Variants in PAQR8 observed in about 807,000 individuals in gnomAD.
PAQR8 encodes membrane progestin receptor beta.
Under a neutral mutation model 25.2 loss-of-function variants are expected in PAQR8, and 17 were observed. The observed-to-expected ratio is 0.67, with a 90% CI of 0.46 to 1.01. PAQR8 has a LOEUF of 1.01. Ranked by LOEUF, PAQR8 falls within the 50% of genes least tolerant of loss-of-function variation. The probability of loss-of-function intolerance (pLI) is 0.00; values close to 1 mark genes in which losing one functional copy is unlikely to be tolerated. For synonymous variants in PAQR8, 204 were observed against 190.6 expected (o/e 1.07, Z -0.58); for missense variants, 392 against 448.4 (o/e 0.87, Z 1.14).
At chr6:52,370,710 G>A (rs1763408539) in intron 1 of PAQR8, among the ~76,000 whole-genome samples, 1 of 152,190 alleles carries the variant, frequency 6.6e-6, no homozygotes, top group African/African-American at 2.4e-5. Flanking sequence ...CTTCTGCAAT[G>A]GCACAGAGGC....
At chr6:52,397,099 G>A (rs1763775725) in intron 1 of PAQR8, among the ~76,000 whole-genome samples, 1 of 152,166 alleles carries the variant, frequency 6.6e-6, no homozygotes, top group South Asian at 2.1e-4. Context: ...AGCCAAGAGA[G>A]GAGGCATTGG....
intron 1 of PAQR8, among the ~76,000 whole-genome samples, chr6:52,381,099 C>T (rs1020153035): frequency 2.0e-5 from 3 of 152,164 alleles, no homozygotes; most frequent in African/African-American, 7.2e-5. Flanking sequence ...TGGACAGGCA[C>T]CTTTGCTTTT....
intron 1 of PAQR8, among the ~76,000 whole-genome samples, chr6:52,371,603 G>T (rs1763419990): frequency 6.6e-6 from 1 of 152,206 alleles, no homozygotes; most frequent in Non-Finnish European, 1.5e-5. Context: ...TTATGTGGCT[G>T]TGATACATCT....
chr6:52,387,704 CAG>C (rs1227876658), intron 1 of PAQR8, among the ~76,000 whole-genome samples: 1 of 152,198 alleles, frequency 6.6e-6, no homozygotes. Context: ...TCACCTAGAT[CAG>C]GGATCCCCCA....
chr6:52,376,674 T>C (rs1020654729), intron 1 of PAQR8, among the ~76,000 whole-genome samples: 2 of 152,180 alleles, frequency 1.3e-5, no homozygotes, highest in African/African-American at 2.4e-5. Flanking sequence ...AATTGTATAC[T>C]TTTGTCTAGT....
chr6:52,377,484 A>G (rs1432017304), intron 1 of PAQR8, among the ~76,000 whole-genome samples: 2 of 152,174 alleles, frequency 1.3e-5, no homozygotes, highest in African/African-American at 4.8e-5. Context: ...GTTGATATTA[A>G]TAACTGTATC....
At chr6:52,403,037 C>G in intron 1 of PAQR8, 125 bp from the exon 2 acceptor site, 1 of 620,106 alleles carries the variant, frequency 1.6e-6, no homozygotes, top group Admixed American at 3.0e-5. Context: ...TGCCACTGCA[C>G]TCTAGCCTGG....
At chr6:52,374,573 C>T (rs1763460472) in intron 1 of PAQR8, among the ~76,000 whole-genome samples, 1 of 152,078 alleles carries the variant, frequency 6.6e-6, no homozygotes, top group African/African-American at 2.4e-5. Flanking sequence ...ACCACGATGC[C>T]CAGCTAATTT....
rs1273513960 is a variant in PAQR8, at chr6:52,362,161, G to C, written c.-141G>C. ...GAGCCCGCCGCGGTCACAGCCACCC[G>C]CGGGAAGCTCGTGGCCGGGACCCCG... On this transcript the variant is annotated 5_prime_UTR_variant, in exon 1 of 2. Transcript: ENST00000442253. The surrounding 1 kb of genome is among the most constrained non-coding windows in gnomAD (Gnocchi z 4.1). The C allele has an allele frequency of 6.6e-6, 1 of 151,832 alleles. No homozygotes were observed. Among genetic ancestry groups the C allele is most frequent in the Non-Finnish European group, 1.5e-5 (1 of 67,966 alleles). The allele number at this position is 151,832 out of a possible 1,614,324, so 9.4% of individuals were successfully genotyped here.
At position 52,404,344 on chromosome 6, in the gene PAQR8, A is replaced by C; in HGVS notation, c.*66A>C. On this transcript the variant is annotated 3_prime_UTR_variant, in exon 2 of 2. Coordinates refer to ENST00000442253, the MANE Select transcript of PAQR8 (RefSeq NM_133367.5). ...ATTTGGAGAAAACTTGATACAATAG[A>C]AGCTGACTTTTAAGGCATTGGCTTT... 1 of 1,384,946 alleles carries C rather than the reference A, an allele frequency of 7.2e-7. No individual in the cohort carries two copies. The highest frequency in any genetic ancestry group is 1.5e-5 in the South Asian group (1 of 68,116). The allele number at this position is 1,384,946 out of a possible 1,614,324, so 85.8% of individuals were successfully genotyped here. A position where few individuals can be genotyped will look rare whatever the true frequency, so the allele number is the denominator to read the frequency against.
At chr6:52,379,603 C>T (rs1232406072) in intron 1 of PAQR8, among the ~76,000 whole-genome samples, 3 of 142,068 alleles carry the variant, frequency 2.1e-5, no homozygotes, top group Admixed American at 7.1e-5. Flanking sequence ...AGGTGCGTAC[C>T]GCCACACCCA....
At chr6:52,390,809 T>C (rs1054899544) in intron 1 of PAQR8, among the ~76,000 whole-genome samples, 2 of 152,204 alleles carry the variant, frequency 1.3e-5, no homozygotes, top group African/African-American at 4.8e-5. Flanking sequence ...CTAGTTGAGC[T>C]CACAGAAAAA....
intron 1 of PAQR8, among the ~76,000 whole-genome samples, chr6:52,394,714 A>G (rs1763746616): frequency 6.6e-6 from 1 of 152,176 alleles, no homozygotes; most frequent in African/African-American, 2.4e-5. Flanking sequence ...GGTTACGTTC[A>G]GTAGATTAGG....
chr6:52,385,758 G>A (rs12207380), intron 1 of PAQR8, among the ~76,000 whole-genome samples: 17,023 of 152,066 alleles, frequency 0.11, 1,289 homozygotes, highest in Non-Finnish European at 0.17. Flanking sequence ...TCTGGTGTGC[G>A]CAGGTAGTCC....
At chr6:52,398,849 C>G (rs893629067) in intron 1 of PAQR8, among the ~76,000 whole-genome samples, 1 of 152,222 alleles carries the variant, frequency 6.6e-6, no homozygotes. Context: ...GCCACTGTCC[C>G]TGGCTGGGAA....
chr6:52,382,088 C>G (rs1763567799), intron 1 of PAQR8, among the ~76,000 whole-genome samples: 3 of 152,198 alleles, frequency 2.0e-5, no homozygotes. Flanking sequence ...CCATACAACA[C>G]AATACTTGCC....
At chr6:52,386,283 G>A (rs1397045079) in intron 1 of PAQR8, among the ~76,000 whole-genome samples, 1 of 152,214 alleles carries the variant, frequency 6.6e-6, no homozygotes, top group Non-Finnish European at 1.5e-5. Flanking sequence ...GAAGAAAGCA[G>A]TTTGGAGATT....
chr6:52,368,332 C>T (rs1477232517), intron 1 of PAQR8, among the ~76,000 whole-genome samples: 2 of 152,074 alleles, frequency 1.3e-5, no homozygotes, highest in African/African-American at 2.4e-5. Context: ...ATAGAATCAC[C>T]TGGGGTTGTC....
chr6:52,381,205 AT>A (rs1334242511), intron 1 of PAQR8, among the ~76,000 whole-genome samples: 1 of 152,266 alleles, frequency 6.6e-6, no homozygotes, highest in African/African-American at 2.4e-5. Context: ...GCCAGGCCAC[AT>A]TTATAGAATA....
Sources: allele counts gnomAD v4.1 joint callset (sites outside exome capture counted in the v4.1 genomes callset), GRCh38; gene constraint gnomAD v4.1.1; non-coding constraint Gnocchi (gnomAD v3.1); transcripts MANE v1.5; gene names NCBI Gene and HGNC (gene_info 2026-07-23, HGNC 2026-07-21).